CEP192: variants seen among roughly 807,000 people sequenced by gnomAD.
The protein encoded by CEP192 is centrosomal protein of 192 kDa.
Under a neutral mutation model 271.8 loss-of-function variants are expected in CEP192, and 151 were observed. That is an observed-to-expected ratio of 0.56 (90% CI 0.49 to 0.64). The LOEUF is 0.64. Among genes scored for constraint, CEP192 ranks in the 30% least tolerant of loss-of-function variants. CEP192 has a pLI of 0.00. For synonymous variants in CEP192, 995 were observed against 1,076.5 expected (o/e 0.92, Z 1.48); for missense variants, 2,910 against 3,020.5 (o/e 0.96, Z 0.86).
chr18:13,029,882 G>A lies in CEP192; in HGVS notation c.1270G>A (p.Asp424Asn). 1 of 1,551,680 alleles carries A rather than the reference G, an allele frequency of 6.4e-7. No individual in the cohort carries two copies. Among genetic ancestry groups the A allele is most frequent in the African/African-American group, 1.4e-5 (1 of 73,172 alleles). ...TPTVSIQENV[D>N]VASLKPISDS... ...TACGGTGTCCATTCAAGAAAATGTG[G>A]ATGTAGCCTCTTTGAAGCCCATTAG... Residue 424 changes from aspartate (D) to asparagine (N), a missense_variant, in exon 10 of 45, where the codon GAT becomes AAT. Physicochemically the swap from Asp to Asn is conservative, Grantham distance 23. Coordinates refer to ENST00000506447, the MANE Select transcript of CEP192 (RefSeq NM_032142.4).
intron 4 of CEP192, among the ~76,000 whole-genome samples, chr18:13,010,438 T>C (rs1257652276): frequency 6.6e-6 from 1 of 152,080 alleles, no homozygotes; most frequent in Non-Finnish European, 1.5e-5. Context: ...AAAAATGTTA[T>C]ATATATGAAA....
chr18:12,996,864 G>A (rs568443873), intron 1 of CEP192, among the ~76,000 whole-genome samples: 20 of 152,248 alleles, frequency 1.3e-4, no homozygotes, highest in Admixed American at 3.3e-4. Context: ...CATTTTTTTG[G>A]TGGTGTGGTG....
chr18:12,997,266 G>T (rs1232062212), intron 1 of CEP192, among the ~76,000 whole-genome samples: 1 of 152,066 alleles, frequency 6.6e-6, no homozygotes, highest in African/African-American at 2.4e-5. Flanking sequence ...TTATTTAGGT[G>T]CACCGGCCCA....
In CEP192 at chr18:13,018,556, CT is replaced by C. The variant is rs2034797126; in HGVS notation, c.868del (p.Ser290LeufsTer23). The C allele has an allele frequency of 6.5e-7, 1 of 1,542,088 alleles. No homozygotes were observed. Among genetic ancestry groups the C allele is most frequent in the Admixed American group, 2.0e-5 (1 of 50,676 alleles). ...NSSLISLDSH[S>X]SETTHKESEE... ...TCTCTGATTTCCCTCGACTCACACT[CT>C]TCTGAAACAACTCACAAAGAGTCTG... is the stretch of plus-strand genomic sequence containing the variant. On this transcript the variant is annotated frameshift_variant, in exon 8 of 45. Transcript: ENST00000506447. LOFTEE classifies it high-confidence loss of function.
intron 2 of CEP192, 114 bp downstream of exon 2, chr18:12,999,702 T>G: frequency 1.6e-6 from 1 of 614,048 alleles, no homozygotes; most frequent in Non-Finnish European, 2.5e-6. Context: ...ATGAGGGGGA[T>G]GGCCAAATAT....
Position 13,099,504 on chromosome 18 carries a change from A to T in CEP192, c.6586A>T (p.Asn2196Tyr). The T allele has an allele frequency of 6.3e-7, 1 of 1,595,694 alleles. No homozygotes were observed. The change falls in exon 37 of 45, where the codon AAT (asparagine) becomes TAT (tyrosine). Residue 2196 changes from asparagine to tyrosine, a missense_variant. Transcript: ENST00000506447. ...TAAACTACAAATTCTTGTGAGTCCT[A>T]ATTCCTCCTTATCCACAAAACAGTC... ...ESKLQILVSP[N>Y]SSLSTKQSMF... is the part of the protein sequence containing the mutation.
At chr18:13,008,195 C>CT (rs368624089) in intron 3 of CEP192, among the ~76,000 whole-genome samples, 7 of 152,084 alleles carry the variant, frequency 4.6e-5, no homozygotes, top group African/African-American at 1.7e-4. Context: ...AAAAAAACCA[C>CT]TTTTTGCTGC....
chr18:13,009,643 G>T (rs750241261), intron 4 of CEP192, among the ~76,000 whole-genome samples: 27 of 152,028 alleles, frequency 1.8e-4, no homozygotes, highest in Non-Finnish European at 3.5e-4. Flanking sequence ...GACTAGCCTG[G>T]CCAACATGGC....
At chr18:13,099,723 G>A in intron 37 of CEP192, 142 bp downstream of exon 37, 4 of 543,102 alleles carry the variant, frequency 7.4e-6, no homozygotes, top group African/African-American at 1.9e-5. Flanking sequence ...CCACTTCCAG[G>A]GATTCAACCA....
intron 40 of CEP192, among the ~76,000 whole-genome samples, chr18:13,108,185 A>T (rs915087734): frequency 1.3e-5 from 2 of 152,198 alleles, no homozygotes; most frequent in Non-Finnish European, 2.9e-5. Context: ...AAGACCTCAA[A>T]CTATAAGAAT....
intron 36 of CEP192, among the ~76,000 whole-genome samples, chr18:13,098,093 C>T (rs907740888): frequency 7.2e-5 from 11 of 152,234 alleles, no homozygotes; most frequent in African/African-American, 2.4e-4. Flanking sequence ...TTTTCCCCAC[C>T]TTTCCCCCTT....
chr18:13,051,091 T>G (rs2036761037), intron 17 of CEP192, among the ~76,000 whole-genome samples: 1 of 152,230 alleles, frequency 6.6e-6, no homozygotes, highest in African/African-American at 2.4e-5. Context: ...GACTTGATGT[T>G]TTTGCCAAAA....
At chr18:13,014,014 T>C (rs2034506631) in intron 5 of CEP192, among the ~76,000 whole-genome samples, 1 of 152,254 alleles carries the variant, frequency 6.6e-6, no homozygotes, top group Non-Finnish European at 1.5e-5. Context: ...GTGTATGTTT[T>C]GTTTATGGCT....
At chr18:13,090,358 A>C (rs1370185433) in intron 33 of CEP192, among the ~76,000 whole-genome samples, 1 of 152,238 alleles carries the variant, frequency 6.6e-6, no homozygotes, top group Non-Finnish European at 1.5e-5. Context: ...TTGTATAGTA[A>C]GATCTCATTT....
chr18:13,105,933 C>G (rs2039925865), intron 40 of CEP192, among the ~76,000 whole-genome samples: 1 of 152,124 alleles, frequency 6.6e-6, no homozygotes, highest in African/African-American at 2.4e-5. Flanking sequence ...CTTGTTAAGT[C>G]CCTAAATTGA....
intron 11 of CEP192, among the ~76,000 whole-genome samples, chr18:13,031,895 A>T (rs1283804906): frequency 6.6e-6 from 1 of 152,226 alleles, no homozygotes; most frequent in Non-Finnish European, 1.5e-5. Context: ...GAGAAAGCCC[A>T]GTTGGAAAGG....
chr18:13,056,724 T>C (rs370834384), intron 19 of CEP192, 26 bp downstream of exon 19: 10 of 1,505,656 alleles, frequency 6.6e-6, no homozygotes, highest in Non-Finnish European at 8.1e-6. Context: ...TCTATTATTA[T>C]TACTTGCTAT....
chr18:13,048,688 A>G (rs2036609299), intron 15 of CEP192, among the ~76,000 whole-genome samples, 171 bp from the exon 16 acceptor site: 1 of 152,190 alleles, frequency 6.6e-6, no homozygotes, highest in Non-Finnish European at 1.5e-5. Flanking sequence ...TGGGTGGGGA[A>G]GATAGGAACA....
At chr18:13,119,853 A>G (rs975275673) in intron 44 of CEP192, among the ~76,000 whole-genome samples, 11 of 152,368 alleles carry the variant, frequency 7.2e-5, no homozygotes, top group African/African-American at 2.2e-4. Flanking sequence ...ATATTTACCT[A>G]TACCTCATCC....
Sources: allele counts gnomAD v4.1 joint callset (sites outside exome capture counted in the v4.1 genomes callset), GRCh38; gene constraint gnomAD v4.1.1; transcripts MANE v1.5; gene names NCBI Gene and HGNC (gene_info 2026-07-23, HGNC 2026-07-21).